The following PACRG variants were observed in gnomAD, a reference collection of about 807,000 sequenced individuals.
The protein encoded by PACRG is parkin coregulated.
PACRG carries 29 observed loss-of-function variants against 29.7 expected under a neutral mutation model. That is an observed-to-expected ratio of 0.98 (90% CI 0.73 to 1.33). The LOEUF (loss-of-function observed/expected upper bound fraction) is 1.33, where lower values mean the gene tolerates loss of function less well. Among genes scored for constraint, PACRG ranks in the 40% most tolerant of loss-of-function variants. PACRG has a pLI of 0.00. For synonymous variants in PACRG, 116 were observed against 118.7 expected (o/e 0.98, Z 0.15); for missense variants, 279 against 316.2 (o/e 0.88, Z 0.89).
intron 2 of PACRG, among the ~76,000 whole-genome samples, chr6:163,024,806 C>G (rs1006515354): frequency 3.3e-5 from 5 of 152,110 alleles, no homozygotes; most frequent in Non-Finnish European, 5.9e-5. Context: ...CCCTCATGAA[C>G]ATAGACACAA....
At chr6:162,756,001 T>C (rs1432000605) in intron 1 of PACRG, among the ~76,000 whole-genome samples, 1 of 152,196 alleles carries the variant, frequency 6.6e-6, no homozygotes, top group Non-Finnish European at 1.5e-5. Context: ...CATTGTGATC[T>C]GAAAAAAATA....
intron 4 of PACRG, among the ~76,000 whole-genome samples, chr6:163,164,036 T>C (rs1334259706): frequency 6.6e-6 from 1 of 152,224 alleles, no homozygotes; most frequent in Non-Finnish European, 1.5e-5. Flanking sequence ...TTTATTTATA[T>C]TATTTTTCTG....
At position 162,846,554 on chromosome 6, in the gene PACRG, C is replaced by T. The variant is rs541263057; in HGVS notation, c.291+32273C>T. ...TTGGTCTCTCCCATCTCTCTTAGCT[C>T]TGACACTTTATATTCATCTTTAGTA... On this transcript the variant is annotated intron_variant, in intron 2 of 4. Coordinates refer to ENST00000366888, the MANE Select transcript of PACRG (RefSeq NM_001080379.2). 4.6e-5 allele frequency among the ~76,000 whole-genome samples: 7 copies of T among 152,328 alleles called. No individual in the cohort carries two copies. In the South Asian group the frequency reaches 1.5e-3, roughly 32 times the overall value.
At chr6:163,165,432 C>G (rs1778754196) in intron 4 of PACRG, 1 of 152,264 alleles carries the variant, frequency 6.6e-6, no homozygotes. Context: ...AGTGAGGAAC[C>G]GCGGATGGGG....
chr6:162,981,006 A>G (rs1417981990), intron 2 of PACRG, among the ~76,000 whole-genome samples: 1 of 151,908 alleles, frequency 6.6e-6, no homozygotes, highest in African/African-American at 2.4e-5. Context: ...TGTCTACTGT[A>G]CCCAATGTGT....
intron 2 of PACRG, among the ~76,000 whole-genome samples, chr6:162,947,633 T>TC (rs1321248166): frequency 1.7e-4 from 13 of 74,406 alleles, no homozygotes; most frequent in African/African-American, 4.3e-4. Context: ...TATATATATA[T>TC]ATATATATAT....
chr6:162,845,804 GCAT>G (rs1790322251), intron 2 of PACRG, among the ~76,000 whole-genome samples: 1 of 152,276 alleles, frequency 6.6e-6, no homozygotes, highest in South Asian at 2.1e-4. Context: ...TTGCCAGTTT[GCAT>G]CATTCAATCT....
At chr6:162,830,703 T>C (rs1233392155) in intron 2 of PACRG, among the ~76,000 whole-genome samples, 1 of 152,186 alleles carries the variant, frequency 6.6e-6, no homozygotes, top group Non-Finnish European at 1.5e-5. Context: ...TGTGCAGGCA[T>C]GGTGGGGGGT....
At chr6:163,165,717 C>T in intron 4 of PACRG, 1 of 239,408 alleles carries the variant, frequency 4.2e-6, no homozygotes, top group Non-Finnish European at 8.3e-6. Context: ...GTCGGTTCAC[C>T]CTGTCCAGGC....
chr6:163,116,505 G>A (rs1816001931), intron 4 of PACRG, among the ~76,000 whole-genome samples: 1 of 152,198 alleles, frequency 6.6e-6, no homozygotes, highest in Non-Finnish European at 1.5e-5. Context: ...TATTTGGAGT[G>A]ATTGAGAGAG....
At chr6:163,266,917 G>A (rs1241809315) in intron 4 of PACRG, among the ~76,000 whole-genome samples, 1 of 152,166 alleles carries the variant, frequency 6.6e-6, no homozygotes, top group Non-Finnish European at 1.5e-5. Context: ...CTGCCCAAAT[G>A]TATAGTGAGC....
chr6:162,741,955 T>G (rs1343767692), intron 1 of PACRG, among the ~76,000 whole-genome samples: 1 of 152,216 alleles, frequency 6.6e-6, no homozygotes, highest in Non-Finnish European at 1.5e-5. Context: ...AGAATGCAAT[T>G]CATTGTGATT....
chr6:163,095,075 G>A (rs1814449449), intron 4 of PACRG, among the ~76,000 whole-genome samples: 1 of 152,106 alleles, frequency 6.6e-6, no homozygotes, highest in Admixed American at 6.5e-5. Context: ...TAAGTGAGAG[G>A]GCAGCCCAGG....
chr6:162,760,200 C>T (rs1255611616), intron 1 of PACRG, among the ~76,000 whole-genome samples: 1 of 151,220 alleles, frequency 6.6e-6, no homozygotes, highest in African/African-American at 2.5e-5. Context: ...ATGCTAAGCA[C>T]GATCCTTCAG....
chr6:163,115,631 G>C (rs1164810904), intron 4 of PACRG, among the ~76,000 whole-genome samples: 1 of 151,980 alleles, frequency 6.6e-6, no homozygotes, highest in Admixed American at 6.6e-5. Context: ...GACTTGAGTT[G>C]AAAATAAAAA....
chr6:163,302,259 T>TTTTTTTTTTTTTTG (rs1562368131), intron 4 of PACRG, among the ~76,000 whole-genome samples: 1 of 89,910 alleles, frequency 1.1e-5, no homozygotes, highest in Non-Finnish European at 2.7e-5. Flanking sequence ...TTTTTTTTTG[T>TTTTTTTTTTTTTTG]TTTTTTTTTT....
intron 4 of PACRG, among the ~76,000 whole-genome samples, chr6:163,305,417 T>G (rs1245904192): frequency 6.6e-6 from 1 of 152,166 alleles, no homozygotes; most frequent in Admixed American, 6.5e-5. Context: ...GTGCCTCTGG[T>G]CCAATACCAG....
chr6:162,949,482 C>T (rs2128130859), intron 2 of PACRG, among the ~76,000 whole-genome samples: 1 of 152,128 alleles, frequency 6.6e-6, no homozygotes, highest in Middle Eastern at 3.4e-3. Context: ...TATTGTATAT[C>T]TCAAAGGAGC....
At chr6:162,956,679 C>G (rs960440408) in intron 2 of PACRG, among the ~76,000 whole-genome samples, 13 of 152,168 alleles carry the variant, frequency 8.5e-5, no homozygotes, top group Admixed American at 8.5e-4. Flanking sequence ...AGCCGCATGG[C>G]CTTCTCCCTG....
Sources: allele counts gnomAD v4.1 joint callset (sites outside exome capture counted in the v4.1 genomes callset), GRCh38; gene constraint gnomAD v4.1.1; transcripts MANE v1.5; gene names NCBI Gene and HGNC (gene_info 2026-07-23, HGNC 2026-07-21).